FRMD5: variants seen among roughly 807,000 people sequenced by gnomAD.
FRMD5 encodes FERM domain containing 5, also known as FERM domain-containing protein 5.
Under a neutral mutation model 69.0 loss-of-function variants are expected in FRMD5, and 20 were observed. The observed-to-expected ratio is 0.29, with a 90% CI of 0.20 to 0.42. The LOEUF is 0.42. Among genes scored for constraint, FRMD5 ranks in the 10% least tolerant of loss-of-function variants. FRMD5 has a pLI of 1.00. For synonymous variants in FRMD5, 271 were observed against 260.1 expected, an observed-to-expected ratio of 1.04 and a Z score of -0.40; for missense variants, 595 against 708.6, an observed-to-expected ratio of 0.84 and a Z score of 1.82.
chr15:44,004,959 C>T (rs1890371601), intron 1 of FRMD5, among the ~76,000 whole-genome samples: 1 of 152,298 alleles, frequency 6.6e-6, no homozygotes, highest in Middle Eastern at 3.4e-3. Context: ...GTAAAACAGT[C>T]TTCAGGCTGA....
At chr15:43,900,628 T>C (rs2140395466) in intron 7 of FRMD5, among the ~76,000 whole-genome samples, 1 of 151,848 alleles carries the variant, frequency 6.6e-6, no homozygotes, top group East Asian at 1.9e-4. Context: ...GGTTTTTTTT[T>C]TTTTTTTGAG....
chr15:44,195,444 T>C (rs1459031073), upstream of FRMD5, among the ~76,000 whole-genome samples: 2 of 152,186 alleles, frequency 1.3e-5, no homozygotes, highest in Admixed American at 1.3e-4. Context: ...CAGTCGGACC[T>C]AGTCAAGCCG....
chr15:43,983,884 G>C (rs1052530170), intron 1 of FRMD5, among the ~76,000 whole-genome samples: 2 of 152,328 alleles, frequency 1.3e-5, no homozygotes, highest in South Asian at 2.1e-4. Context: ...GCAAGTGCTA[G>C]AGAAAATGTA....
At chr15:43,908,980 G>C (rs2089233772) in intron 5 of FRMD5, among the ~76,000 whole-genome samples, 1 of 152,152 alleles carries the variant, frequency 6.6e-6, no homozygotes, top group Non-Finnish European at 1.5e-5. Flanking sequence ...TTATCAACCA[G>C]GGGCCCAGGA....
At chr15:43,912,189 T>TG (rs1370207668) in intron 4 of FRMD5, among the ~76,000 whole-genome samples, 1 of 152,198 alleles carries the variant, frequency 6.6e-6, no homozygotes, top group African/African-American at 2.4e-5. Flanking sequence ...CACAGCAGGA[T>TG]GGACTGCCTT....
chr15:43,924,644 A>G (rs2089551660), intron 1 of FRMD5, among the ~76,000 whole-genome samples: 2 of 152,098 alleles, frequency 1.3e-5, no homozygotes, highest in Non-Finnish European at 2.9e-5. Flanking sequence ...AGCAATAATT[A>G]CACCAGGCCC....
chr15:43,934,943 C>T (rs1488789192), intron 1 of FRMD5, among the ~76,000 whole-genome samples: 2 of 152,192 alleles, frequency 1.3e-5, no homozygotes, highest in Non-Finnish European at 2.9e-5. Context: ...ATTGAGAACT[C>T]TTCAACTGTC....
intron 1 of FRMD5, among the ~76,000 whole-genome samples, chr15:44,181,245 T>C (rs2077996014): frequency 6.6e-6 from 1 of 152,044 alleles, no homozygotes; most frequent in Non-Finnish European, 1.5e-5. Flanking sequence ...GGTCTCACTA[T>C]GTTGCCCAGG....
intron 1 of FRMD5, among the ~76,000 whole-genome samples, chr15:44,131,144 C>A (rs2077092034): frequency 1.3e-5 from 2 of 152,028 alleles, no homozygotes; most frequent in African/African-American, 4.8e-5. Context: ...AAAAGTAATT[C>A]TTTAGACATT....
intron 1 of FRMD5, among the ~76,000 whole-genome samples, chr15:43,985,062 C>T (rs1161745109): frequency 2.0e-5 from 3 of 151,146 alleles, no homozygotes; most frequent in African/African-American, 4.9e-5. Context: ...AGGCAGATCA[C>T]GAGGTCAGGA....
At chr15:44,131,184 A>C (rs1352895693) in intron 1 of FRMD5, among the ~76,000 whole-genome samples, 1 of 152,254 alleles carries the variant, frequency 6.6e-6, no homozygotes, top group Non-Finnish European at 1.5e-5. Context: ...AATAGCCAAT[A>C]AGTACATGAA....
chr15:43,977,773 A>T (rs2090486137), intron 1 of FRMD5, among the ~76,000 whole-genome samples: 1 of 152,222 alleles, frequency 6.6e-6, no homozygotes, highest in Non-Finnish European at 1.5e-5. Flanking sequence ...ATTTTCTTGC[A>T]GGAAGAGAAA....
At position 43,973,542 on chromosome 15, in the gene FRMD5, A is replaced by G. The variant is rs542319541; in HGVS notation, c.103-49233T>C. Among the ~76,000 whole-genome samples the G allele has an allele frequency of 2.1e-3, 312 of 150,910 alleles. 3 individuals carry two copies. The highest frequency in any genetic ancestry group is 1.1e-3 in the Non-Finnish European group (77 of 67,780). On this transcript the variant is annotated intron_variant, in intron 1 of 13. Coordinates refer to ENST00000417257, the MANE Select transcript of FRMD5 (RefSeq NM_032892.5). ...ACCACCACACCCAGCTAGTTTTTGT[A>G]TTTTTAGCAGAGACGGGGTTTCACC...
chr15:44,074,352 G>A (rs911979962), intron 1 of FRMD5, among the ~76,000 whole-genome samples: 2 of 151,874 alleles, frequency 1.3e-5, no homozygotes, highest in African/African-American at 4.8e-5. Context: ...AGTCCTGGTT[G>A]GCTTTGGTCA....
chr15:44,149,764 G>C (rs188068583), intron 1 of FRMD5, among the ~76,000 whole-genome samples: 4 of 152,164 alleles, frequency 2.6e-5, no homozygotes. Context: ...AAGACTGAAA[G>C]AAATGAAAGG....
intron 1 of FRMD5, among the ~76,000 whole-genome samples, chr15:44,156,443 C>A (rs1221355539): frequency 3.9e-5 from 6 of 152,162 alleles, no homozygotes; most frequent in Admixed American, 3.9e-4. Context: ...CTTGCCCAGC[C>A]CGTATAAATA....
At chr15:43,962,647 T>C (rs1012719076) in intron 1 of FRMD5, among the ~76,000 whole-genome samples, 1 of 152,172 alleles carries the variant, frequency 6.6e-6, no homozygotes, top group Non-Finnish European at 1.5e-5. Context: ...ACTACCTGAC[T>C]TCAAACTATA....
chr15:44,089,328 A>G (rs1894336332), intron 1 of FRMD5, among the ~76,000 whole-genome samples: 1 of 152,192 alleles, frequency 6.6e-6, no homozygotes, highest in South Asian at 2.1e-4. Flanking sequence ...GGTTTTAAGT[A>G]TATGTGTAAT....
In FRMD5 at chr15:43,874,166, C is replaced by T. The variant is rs1408628896; in HGVS notation, c.1432G>A (p.Glu478Lys). 6.2e-7 allele frequency: 1 copy of T among 1,614,244 alleles called. No individual in the cohort carries two copies. The highest frequency in any genetic ancestry group is 2.2e-5 in the East Asian group (1 of 44,882). The change falls in exon 14 of 14, where the codon GAG (glutamate) becomes AAG (lysine). Residue 478 changes from glutamate (E) to lysine (K), a missense_variant. Physicochemically the swap from Glu to Lys is moderately conservative, Grantham distance 56. Around this residue, in one of 5 missense-constraint regions of FRMD5, gnomAD observed 245 missense variants for 227.1 expected, o/e 1.08. Coordinates refer to ENST00000417257, the MANE Select transcript of FRMD5 (RefSeq NM_032892.5). ...TGCCCCTGACACAGGGCCCTCAGCT[C>T]TCCCCCAAGGGCCTCCACCTCTGTA... ...TATEVEALGG[E>K]LRALCQGHSG...
Sources: gnomAD v4.1 joint callset for allele counts (sites outside exome capture counted in the v4.1 genomes callset) on GRCh38, gnomAD v4.1.1 for gene constraint, gnomAD v4.1.1 regional missense constraint, MANE v1.5 for transcripts, NCBI Gene and HGNC (gene_info 2026-07-23, HGNC 2026-07-21) for gene names.